The following KCND2 variants were observed in gnomAD, a reference collection of about 807,000 sequenced individuals.
The protein encoded by KCND2 is A-type voltage-gated potassium channel KCND2.
In KCND2, 16 loss-of-function variants were observed where a neutral mutation model predicts 54.4. That is an observed-to-expected ratio of 0.29 (90% confidence interval 0.20 to 0.45). The LOEUF is 0.45. KCND2 is among the 20% of genes least tolerant of loss of function. The pLI is 1.00. For missense variants in KCND2, 486 were observed against 824.2 expected (o/e 0.59, Z 5.02); for synonymous variants, 317 against 310.7 (o/e 1.02, Z -0.21).
intron 1 of KCND2, among the ~76,000 whole-genome samples, chr7:120,627,000 T>C (rs2116509158): frequency 6.6e-6 from 1 of 152,350 alleles, no homozygotes; most frequent in East Asian, 1.9e-4. Flanking sequence ...TCTGTGATTT[T>C]TATCTACAGT....
intron 1 of KCND2, among the ~76,000 whole-genome samples, chr7:120,532,169 A>G (rs556871186): frequency 5.9e-5 from 9 of 152,094 alleles, no homozygotes; most frequent in Non-Finnish European, 1.3e-4. Flanking sequence ...AGTTTTCTCT[A>G]TAATTTAAAT....
At chr7:120,605,759 C>A (rs1011651652) in intron 1 of KCND2, among the ~76,000 whole-genome samples, 1 of 152,156 alleles carries the variant, frequency 6.6e-6, no homozygotes, top group Admixed American at 6.6e-5. Context: ...TTATAGTCAT[C>A]CTAGTGGATG....
chr7:120,682,410 A>C (rs1038325657), intron 1 of KCND2, among the ~76,000 whole-genome samples: 4 of 152,108 alleles, frequency 2.6e-5, no homozygotes, highest in African/African-American at 9.7e-5. Context: ...GTAAATTAAA[A>C]GCCAGGACTA....
chr7:120,659,771 G>A (rs901000846), intron 1 of KCND2, among the ~76,000 whole-genome samples: 3 of 152,180 alleles, frequency 2.0e-5, no homozygotes, highest in Admixed American at 6.5e-5. Flanking sequence ...TCCTGTAGTC[G>A]GCCCTGCAGA....
intron 1 of KCND2, among the ~76,000 whole-genome samples, chr7:120,604,311 G>A (rs1458000299): frequency 1.4e-5 from 2 of 146,342 alleles, no homozygotes; most frequent in Admixed American, 1.4e-4. Context: ...AGACCAGCCT[G>A]GCCAACATGG....
intron 1 of KCND2, among the ~76,000 whole-genome samples, chr7:120,617,875 C>A (rs183817684): frequency 6.6e-6 from 1 of 152,276 alleles, no homozygotes; most frequent in East Asian, 1.9e-4. Context: ...AACGTGGATG[C>A]AGCTGGAGGC....
At chr7:120,567,932 T>C (rs1216558725) in intron 1 of KCND2, among the ~76,000 whole-genome samples, 2 of 152,132 alleles carry the variant, frequency 1.3e-5, no homozygotes, top group Admixed American at 1.3e-4. Flanking sequence ...AGATATACTT[T>C]GCATCAATGA....
intron 1 of KCND2, among the ~76,000 whole-genome samples, chr7:120,501,987 A>ACAGTGTTTT (rs1491240092): frequency 6.6e-6 from 1 of 152,090 alleles, no homozygotes; most frequent in African/African-American, 2.4e-5. Context: ...TAGAAAGAAT[A>ACAGTGTTTT]CAGTGTTTTT....
intron 1 of KCND2, among the ~76,000 whole-genome samples, chr7:120,552,694 G>A (rs990110514): frequency 2.6e-5 from 4 of 152,156 alleles, no homozygotes; most frequent in African/African-American, 9.7e-5. Context: ...TGAGTGTAGG[G>A]AGGTTACCTC....
chr7:120,278,712 A>C (rs1799217695), intron 1 of KCND2, among the ~76,000 whole-genome samples: 1 of 151,754 alleles, frequency 6.6e-6, no homozygotes, highest in Non-Finnish European at 1.5e-5. Flanking sequence ...CAAATATATC[A>C]GTAGACTATA....
intron 1 of KCND2, chr7:120,464,023 T>A: frequency 1.0e-6 from 1 of 981,126 alleles, no homozygotes. Context: ...TTTTGTTTTT[T>A]TTTTTTTTTC....
At chr7:120,408,171 T>C (rs1366805536) in intron 1 of KCND2, among the ~76,000 whole-genome samples, 2 of 151,902 alleles carry the variant, frequency 1.3e-5, no homozygotes, top group African/African-American at 4.8e-5. Context: ...GAATTGAGAA[T>C]ACATGTTGAG....
chr7:120,677,424 TCCATATCCA>T (rs1792076191), intron 1 of KCND2, among the ~76,000 whole-genome samples: 1 of 151,858 alleles, frequency 6.6e-6, no homozygotes, highest in Non-Finnish European at 1.5e-5. Flanking sequence ...TCCCAAAGGT[TCCATATCCA>T]GCTAGTCTTT....
chr7:120,334,242 G>C (rs949782606), intron 1 of KCND2, among the ~76,000 whole-genome samples: 3 of 152,232 alleles, frequency 2.0e-5, no homozygotes, highest in Admixed American at 6.5e-5. Flanking sequence ...CTATCAAATA[G>C]AAGTGTTGAG....
At position 120,275,981 on chromosome 7, in the gene KCND2, C is replaced by G. The variant is rs550698564; in HGVS notation, c.1115+234C>G. 3.3e-5 allele frequency among the ~76,000 whole-genome samples: 5 copies of G among 151,876 alleles called. No homozygotes were observed. The East Asian group carries it at 7.7e-4, about 24-fold the overall frequency. ...TTGATGCCTGAAAGTGATAAAGATA[C>G]AAAGAAATTTTAGAATTCCTGAATA... is the stretch of plus-strand genomic sequence containing the variant. On this transcript the variant is annotated intron_variant, in intron 1 of 5. Transcript: ENST00000331113.
chr7:120,274,897 C>G lies in KCND2; in HGVS notation c.265C>G (p.Pro89Ala). 1 of 1,614,074 alleles carries G rather than the reference C, an allele frequency of 6.2e-7. No individual in the cohort carries two copies. ...ETQQYFFDRD[P>A]DIFRHILNFY... ...TCAGCAGTATTTCTTTGACCGTGAC[C>G]CAGACATCTTCCGCCACATCCTGAA... The change falls in exon 1 of 6, where the codon CCA becomes GCA. Residue 89 changes from proline (P) to alanine (A), a missense_variant. This residue lies in a region of KCND2 where 231 missense variants were observed against 386.0 expected (regional missense o/e 0.60). Transcript: ENST00000331113.
At chr7:120,679,660 C>A (rs1214511545) in intron 1 of KCND2, among the ~76,000 whole-genome samples, 1 of 151,990 alleles carries the variant, frequency 6.6e-6, no homozygotes, top group South Asian at 2.1e-4. Flanking sequence ...GCTGCCTAAC[C>A]AAGCACTGGA....
At chr7:120,608,657 C>A (rs1792913764) in intron 1 of KCND2, among the ~76,000 whole-genome samples, 1 of 152,130 alleles carries the variant, frequency 6.6e-6, no homozygotes, top group Admixed American at 6.6e-5. Context: ...ATCATTTATT[C>A]TTTATGCCCA....
intron 1 of KCND2, among the ~76,000 whole-genome samples, chr7:120,712,241 ATTTTTTTTTTTTTTTTTTTTTT>A (rs869059871): frequency 9.5e-4 from 33 of 34,782 alleles, no homozygotes; most frequent in African/African-American, 2.3e-3. Flanking sequence ...GGATATCTGA[ATTTTTTTTTTTTTTTTTTTTTT>A]TTTTTTTTTT....
Sources: allele counts gnomAD v4.1 joint callset (sites outside exome capture counted in the v4.1 genomes callset), GRCh38; gene constraint gnomAD v4.1.1; regional missense constraint gnomAD v4.1.1; transcripts MANE v1.5; gene names NCBI Gene and HGNC (gene_info 2026-07-23, HGNC 2026-07-21).